Variants in NEURL1B observed in about 807,000 individuals in gnomAD.
NEURL1B encodes neuralized E3 ubiquitin protein ligase 1B.
NEURL1B carries 13 observed loss-of-function variants against 37.4 expected under a neutral mutation model. That is an observed-to-expected ratio of 0.35 (90% CI 0.23 to 0.55). NEURL1B has a LOEUF of 0.55. Ranked by LOEUF, NEURL1B falls within the 20% of genes least tolerant of loss-of-function variation. The pLI is 0.89. For synonymous variants in NEURL1B, 432 were observed against 426.6 expected, an observed-to-expected ratio of 1.01 and a Z score of -0.16; for missense variants, 790 against 879.2, an observed-to-expected ratio of 0.90 and a Z score of 1.28.
In NEURL1B at chr5:172,674,806, C is replaced by A. The variant is rs142626029; in HGVS notation, c.577+4476C>A. 3.2e-3 allele frequency among the ~76,000 whole-genome samples: 484 copies of A among 152,240 alleles called. 5 individuals carry two copies. The highest frequency in any genetic ancestry group is 5.6e-3 in the Non-Finnish European group (381 of 68,022). The stretch of plus-strand genomic sequence containing the variant: ...CCTGTCTCTTGCTTTGACTTTTTCG[C>A]TTCATCCCCAATCCCCACTCCTTTT... On this transcript the variant is annotated intron_variant, in intron 2 of 4. Coordinates refer to ENST00000369800, the MANE Select transcript of NEURL1B (RefSeq NM_001142651.3).
intron 2 of NEURL1B, among the ~76,000 whole-genome samples, chr5:172,677,111 T>C (rs1758246466): frequency 1.3e-5 from 2 of 151,244 alleles, no homozygotes; most frequent in Non-Finnish European, 3.0e-5. Context: ...AAGCACACCT[T>C]GGGCCGGGAG....
intron 2 of NEURL1B, among the ~76,000 whole-genome samples, chr5:172,673,379 A>C (rs1350739364): frequency 2.0e-5 from 3 of 152,124 alleles, no homozygotes. Context: ...CCTTTCCATC[A>C]CAAGGAACAA....
In NEURL1B at chr5:172,667,472, G is replaced by C. The variant is rs1182434978; in HGVS notation, c.32-2313G>C. On this transcript the variant is annotated intron_variant, in intron 1 of 4. Coordinates refer to ENST00000369800, the MANE Select transcript of NEURL1B (RefSeq NM_001142651.3). Reference sequence around the variant, plus strand: ...AAAAAAAAAAGAAAAGATCCAAAAGGCCTTTTTCAATTTGTTTTATCTATT... The same window carrying C: ...AAAAAAAAAAGAAAAGATCCAAAAGCCCTTTTTCAATTTGTTTTATCTATT... 1.3e-5 allele frequency among the ~76,000 whole-genome samples: 2 copies of C among 151,398 alleles called. 1 individual carries two copies. Among genetic ancestry groups the C allele is most frequent in the East Asian group, 3.9e-4 (2 of 5,188 alleles).
chr5:172,686,708 C>T lies in NEURL1B; in HGVS notation c.1451C>T (p.Pro484Leu). Residue 484 changes from proline to leucine, a missense_variant, in exon 5 of 5, where the codon CCC becomes CTC. Coordinates refer to ENST00000369800, the MANE Select transcript of NEURL1B (RefSeq NM_001142651.3). The surrounding 1 kb of genome is among the most constrained non-coding windows in gnomAD (Gnocchi z 7.9). ...LVTAPSSPLSPPVSPVFSPPE... is the reference protein window; with the variant it reads ...LVTAPSSPLSLPVSPVFSPPE... ...ACGGCCCCCAGCTCCCCGCTGAGCC[C>T]CCCGGTGTCCCCCGTGTTCTCCCCA... 6.4e-7 allele frequency: 1 copy of T among 1,551,102 alleles called. No homozygotes were observed. Among genetic ancestry groups the T allele is most frequent in the African/African-American group, 1.4e-5 (1 of 73,172 alleles).
At position 172,665,304 on chromosome 5, in the gene NEURL1B, C is replaced by T. The variant is rs1261423166; in HGVS notation, c.32-4481C>T. Among the ~76,000 whole-genome samples, 1 of 152,218 alleles carries T rather than the reference C, an allele frequency of 6.6e-6. No homozygotes were observed. The highest frequency in any genetic ancestry group is 1.9e-4 in the East Asian group (1 of 5,198). On this transcript the variant is annotated intron_variant, in intron 1 of 4. Coordinates refer to ENST00000369800, the MANE Select transcript of NEURL1B (RefSeq NM_001142651.3). The surrounding 1 kb of genome is among the most constrained non-coding windows in gnomAD (Gnocchi z 4.1). ...TGCACAAGGCCACCGTGAGCGTGGA[C>T]AGCACAGGCTTCTGCTGTCCCTGAG...
In NEURL1B at chr5:172,669,844, C is replaced by T; in HGVS notation, c.91C>T (p.Arg31Ter). The T allele has an allele frequency of 1.5e-6, 2 of 1,358,248 alleles. No homozygotes were observed. Among genetic ancestry groups the T allele is most frequent in the Non-Finnish European group, 9.5e-7 (1 of 1,051,740 alleles). 84.1% of individuals were successfully genotyped at this position (1,358,248 alleles called of 1,614,324 possible). The change falls in exon 2 of 5, where the codon CGA (arginine) becomes TGA (stop). Residue 31 changes from arginine to a stop codon, truncating the protein, a stop_gained. Transcript: ENST00000369800. LOFTEE classifies it high-confidence loss of function. The stretch of plus-strand genomic sequence containing the variant: ...GCCGTGCTGCGGCCCCGGCCCCGAG[C>T]GACGCCCGGTCCTGGGCGAGGCGCC... ...TRPCCGPGPE[R>*]RPVLGEAPRF... is the part of the protein sequence containing the mutation.
chr5:172,654,403 T>C (rs1757724805), intron 1 of NEURL1B, among the ~76,000 whole-genome samples: 1 of 152,188 alleles, frequency 6.6e-6, no homozygotes, highest in Admixed American at 6.5e-5. Context: ...CCATCTATCG[T>C]CCAGTCCTGA....
rs1758431591 is a variant in NEURL1B at position 172,684,140 on chromosome 5, TGAGTCCCCGGCCCCGCGTGCGC to T, written c.1297+6_1297+27del. On this transcript the variant is annotated splice_donor_5th_base_variant and intron_variant, in intron 3 of 4. Coordinates refer to ENST00000369800, the MANE Select transcript of NEURL1B (RefSeq NM_001142651.3). The stretch of plus-strand genomic sequence containing the variant: ...TCGCGGGCCAGCTGCGTCTCCTCGG[TGAGTCCCCGGCCCCGCGTGCGC>T]GAGGCCCCGCCCCTCCCCCGTCCCG... The T allele has an allele frequency of 9.6e-6, 12 of 1,245,426 alleles. No homozygotes were observed. Among genetic ancestry groups the T allele is most frequent in the Admixed American group, 4.3e-5 (1 of 23,082 alleles). 77.1% of individuals were successfully genotyped at this position (1,245,426 alleles called of 1,614,324 possible).
At position 172,683,817 on chromosome 5, in the gene NEURL1B, G is replaced by A; in HGVS notation, c.976G>A (p.Glu326Lys). The A allele has an allele frequency of 7.6e-7, 1 of 1,318,376 alleles. No individual in the cohort carries two copies. The highest frequency in any genetic ancestry group is 9.7e-7 in the Non-Finnish European group (1 of 1,031,214). The allele number at this position is 1,318,376 out of a possible 1,614,324, so 81.7% of individuals were successfully genotyped here. Residue 326 changes from glutamate to lysine, a missense_variant, in exon 3 of 5, where the codon GAG becomes AAG. This residue lies in a region of NEURL1B where 460 missense variants were observed against 407.4 expected (regional missense o/e 1.13). Transcript: ENST00000369800. The surrounding 1 kb of genome is among the most constrained non-coding windows in gnomAD (Gnocchi z 5.6). ...PLRPGESLFVEVGRPGLAAPG... is the reference protein window; with the variant it reads ...PLRPGESLFVKVGRPGLAAPG... ...GCGGCCCGGCGAGAGCCTCTTCGTG[G>A]AGGTGGGCCGTCCGGGGCTGGCGGC...
chr5:172,658,492 CAG>C (rs1189368181), intron 1 of NEURL1B, among the ~76,000 whole-genome samples: 1 of 152,158 alleles, frequency 6.6e-6, no homozygotes, highest in Non-Finnish European at 1.5e-5. Context: ...AGACACGCAT[CAG>C]AGTCACTTCC....
intron 1 of NEURL1B, among the ~76,000 whole-genome samples, chr5:172,655,527 G>A (rs975038707): frequency 2.6e-5 from 4 of 152,094 alleles, no homozygotes; most frequent in African/African-American, 7.2e-5. Flanking sequence ...CACTCACTCC[G>A]TCCAGCAGTA....
rs571724041 is a variant in NEURL1B at position 172,643,868 on chromosome 5, C to T, written c.31+2431C>T. ...TCCTGCATATGTGGCTTCATTTACACGCCAAGCATGCTTCTCCTCAAGGCT... is the reference window on the plus strand; with the variant it reads ...TCCTGCATATGTGGCTTCATTTACATGCCAAGCATGCTTCTCCTCAAGGCT... On this transcript the variant is annotated intron_variant, in intron 1 of 4. Coordinates refer to ENST00000369800, the MANE Select transcript of NEURL1B (RefSeq NM_001142651.3). 3.3e-5 allele frequency among the ~76,000 whole-genome samples: 5 copies of T among 152,176 alleles called. No individual in the cohort carries two copies. The South Asian group carries it at 6.2e-4, about 19-fold the overall frequency.
chr5:172,647,290 G>A lies in NEURL1B; in HGVS notation c.31+5853G>A, dbSNP rs537058701. 1.3e-5 allele frequency among the ~76,000 whole-genome samples: 2 copies of A among 152,260 alleles called. No individual in the cohort carries two copies. Among genetic ancestry groups the A allele is most frequent in the East Asian group, 3.9e-4 (2 of 5,180 alleles). On this transcript the variant is annotated intron_variant, in intron 1 of 4. Coordinates refer to ENST00000369800, the MANE Select transcript of NEURL1B (RefSeq NM_001142651.3). This position sits in a 1 kb window ranked among gnomAD's most constrained non-coding sequence, Gnocchi z 4.2. The stretch of plus-strand genomic sequence containing the variant: ...GGTCGCAGCCCGACAGGTAGCACAC[G>A]CTCACCTGGGCAGTGTCGCGGGGTG...
chr5:172,647,759 G>A lies in NEURL1B; in HGVS notation c.31+6322G>A, dbSNP rs1320142647. 6.6e-6 allele frequency among the ~76,000 whole-genome samples: 1 copy of A among 152,232 alleles called. No homozygotes were observed. The highest frequency in any genetic ancestry group is 6.5e-5 in the Admixed American group (1 of 15,298). On this transcript the variant is annotated intron_variant, in intron 1 of 4. Transcript: ENST00000369800. The surrounding 1 kb of genome is among the most constrained non-coding windows in gnomAD (Gnocchi z 4.2). Reference sequence around the variant, plus strand: ...TGTAGACTCTGGAACTCAAAAGCTGGATGTGGCCTCTGGGAATCTTGCCTG... The same window carrying A: ...TGTAGACTCTGGAACTCAAAAGCTGAATGTGGCCTCTGGGAATCTTGCCTG...
Position 172,676,908 on chromosome 5 carries a change from AGT to A in NEURL1B, c.578-6505_578-6504del, listed in dbSNP as rs1222671494. On this transcript the variant is annotated intron_variant, in intron 2 of 4. Coordinates refer to ENST00000369800, the MANE Select transcript of NEURL1B (RefSeq NM_001142651.3). This position sits in a 1 kb window ranked among gnomAD's most constrained non-coding sequence, Gnocchi z 4.5. ...GTTTGTTCATTATTGTTATAAACAAAGTGTGTGATAAAGACCTGAACTTATGG... is the reference window on the plus strand; with the variant it reads ...GTTTGTTCATTATTGTTATAAACAAAGTGTGATAAAGACCTGAACTTATGG... Among the ~76,000 whole-genome samples the A allele has an allele frequency of 6.6e-6, 1 of 152,224 alleles. No individual in the cohort carries two copies. The highest frequency in any genetic ancestry group is 1.9e-4 in the East Asian group (1 of 5,196).
chr5:172,667,595 C>T (rs1351555781), intron 1 of NEURL1B, among the ~76,000 whole-genome samples: 1 of 152,084 alleles, frequency 6.6e-6, no homozygotes, highest in African/African-American at 2.4e-5. Flanking sequence ...ACCTTCAAGA[C>T]ATATCCAGAA....
At position 172,675,205 on chromosome 5, in the gene NEURL1B, T is replaced by C. The variant is rs1164386247; in HGVS notation, c.577+4875T>C. 5.3e-5 allele frequency among the ~76,000 whole-genome samples: 8 copies of C among 152,172 alleles called. No individual in the cohort carries two copies. Reference sequence around the variant, plus strand: ...TGTATCTTTTAAAAATAGGTAGATTTGTTTTATATGCTTATGTGGATGGTA... The same window carrying C: ...TGTATCTTTTAAAAATAGGTAGATTCGTTTTATATGCTTATGTGGATGGTA... On this transcript the variant is annotated intron_variant, in intron 2 of 4. Transcript: ENST00000369800. The surrounding 1 kb of genome is among the most constrained non-coding windows in gnomAD (Gnocchi z 4.7).
At chr5:172,651,488 C>A (rs1757663382) in intron 1 of NEURL1B, among the ~76,000 whole-genome samples, 1 of 152,210 alleles carries the variant, frequency 6.6e-6, no homozygotes, top group Admixed American at 6.5e-5. Flanking sequence ...TTGGATAGAG[C>A]AGTCAGACCT....
At chr5:172,642,659 C>T (rs2113246815) in intron 1 of NEURL1B, among the ~76,000 whole-genome samples, 1 of 152,346 alleles carries the variant, frequency 6.6e-6, no homozygotes, top group South Asian at 2.1e-4. Context: ...TTCCCAGGGT[C>T]AGCTTATGGA....
Sources: allele counts gnomAD v4.1 joint callset (sites outside exome capture counted in the v4.1 genomes callset), GRCh38; gene constraint gnomAD v4.1.1; regional missense constraint gnomAD v4.1.1; non-coding constraint Gnocchi (gnomAD v3.1); transcripts MANE v1.5; gene names NCBI Gene and HGNC (gene_info 2026-07-23, HGNC 2026-07-21).